The following PPEF1 variants were observed in gnomAD, a reference collection of about 807,000 sequenced individuals.
The protein encoded by PPEF1 is protein phosphatase with EF-hand domain 1, also known as serine/threonine-protein phosphatase with EF-hands 1.
In PPEF1, 12 loss-of-function variants were observed where a neutral mutation model predicts 53.3. The ratio of observed to expected loss-of-function variants is 0.23; its 90% CI spans 0.14 to 0.36. The LOEUF (loss-of-function observed/expected upper bound fraction) is 0.36. Ranked by LOEUF, PPEF1 falls within the 10% of genes least tolerant of loss-of-function variation. PPEF1 has a pLI of 1.00. For synonymous variants in PPEF1, 165 were observed against 176.7 expected (o/e 0.93, Z 0.52); for missense variants, 334 against 490.4 (o/e 0.68, Z 3.01).
intron 10 of PPEF1, among the ~76,000 whole-genome samples, chrX:18,795,454 G>A (rs1371213579): frequency 8.9e-6 from 1 of 112,254 alleles, no homozygotes; most frequent in African/African-American, 3.2e-5. Context: ...AAGGCAATAA[G>A]CCATGTACTC....
chrX:18,803,921 AG>A lies in PPEF1; in HGVS notation c.1097del (p.Gly366AlafsTer31). The A allele has an allele frequency of 8.3e-7, 1 of 1,208,965 alleles. No individual in the cohort carries two copies. Among genetic ancestry groups the A allele is most frequent in the Non-Finnish European group, 1.1e-6 (1 of 894,239 alleles). On this transcript the variant is annotated frameshift_variant, in exon 11 of 16. Coordinates refer to ENST00000470157, the MANE Select transcript of PPEF1 (RefSeq NM_001377996.1). LOFTEE classifies it high-confidence loss of function. ...IIDILWSDPR[G>X]KNGCFPNTCR... is the part of the protein sequence containing the mutation. Reference sequence around the variant, plus strand: ...TTGATATTCTGTGGAGTGATCCCAGAGGCAAAAATGGCTGTTTTCCAAATAC... The same window carrying A: ...TTGATATTCTGTGGAGTGATCCCAGAGCAAAAATGGCTGTTTTCCAAATAC...
intron 6 of PPEF1, among the ~76,000 whole-genome samples, chrX:18,771,936 G>A (rs983100589): frequency 8.1e-5 from 9 of 111,136 alleles, no homozygotes; most frequent in South Asian, 3.8e-4. Context: ...CCAACATGGC[G>A]AAACCCCGTT....
At chrX:18,688,023 A>G (rs759335903) in intron 3 of PPEF1, among the ~76,000 whole-genome samples, 3 of 112,082 alleles carry the variant, frequency 2.7e-5, no homozygotes, top group African/African-American at 9.7e-5. Flanking sequence ...ACTGAGGTTT[A>G]GAGGAGTTAT....
intron 5 of PPEF1, among the ~76,000 whole-genome samples, chrX:18,698,522 C>T (rs1929860783): frequency 8.9e-6 from 1 of 112,072 alleles, no homozygotes; most frequent in South Asian, 3.7e-4. Context: ...GTCGCAGTGG[C>T]TCACACCTGT....
chrX:18,751,064 G>T (rs2045432639), intron 4 of PPEF1, among the ~76,000 whole-genome samples: 1 of 111,375 alleles, frequency 9.0e-6, no homozygotes, highest in African/African-American at 3.3e-5. Flanking sequence ...GTTCTTTCTG[G>T]ATATAAATTC....
chrX:18,781,315 A>G (rs1371691715), intron 7 of PPEF1, among the ~76,000 whole-genome samples: 1 of 110,638 alleles, frequency 9.0e-6, no homozygotes, highest in African/African-American at 3.3e-5. Flanking sequence ...TTAACACTAG[A>G]TAAAAACTGA....
intron 7 of PPEF1, among the ~76,000 whole-genome samples, chrX:18,780,143 G>A (rs1246113685): frequency 8.9e-6 from 1 of 111,956 alleles, no homozygotes. Context: ...AGGAGACGTG[G>A]CCCCTGCCCT....
chrX:18,760,471 T>C (rs186202802), intron 5 of PPEF1, among the ~76,000 whole-genome samples: 63 of 111,842 alleles, frequency 5.6e-4, no homozygotes, highest in African/African-American at 1.9e-3. Context: ...ATGTATTTAC[T>C]GAGTGCCTCT....
chrX:18,779,593 G>A (rs2046043703), intron 7 of PPEF1, among the ~76,000 whole-genome samples: 1 of 111,653 alleles, frequency 9.0e-6, no homozygotes, highest in Admixed American at 9.6e-5. Flanking sequence ...GTTTTTCACC[G>A]ATGCGTGTAT....
chrX:18,795,825 C>T (rs1334032327), intron 10 of PPEF1, among the ~76,000 whole-genome samples: 2 of 112,145 alleles, frequency 1.8e-5, no homozygotes, highest in Admixed American at 1.9e-4. Flanking sequence ...GAATAATTTG[C>T]TAAATGATGG....
chrX:18,698,273 T>C (rs1422854451), intron 5 of PPEF1, among the ~76,000 whole-genome samples: 1 of 112,312 alleles, frequency 8.9e-6, no homozygotes, highest in East Asian at 2.8e-4. Flanking sequence ...TTCAGTGTTC[T>C]TTCTACAATG....
In PPEF1 at chrX:18,803,842, G is replaced by A. The variant is rs759711612; in HGVS notation, c.1066-50G>A. ...TGACAAATAAGTTGGAATCTAGAAA[G>A]ATATACTCTCACTTGTAAGTTACAG... On this transcript the variant is annotated intron_variant, in intron 10 of 15. Transcript: ENST00000470157. 3.8e-6 allele frequency: 4 copies of A among 1,055,329 alleles called. No homozygotes were observed. The South Asian group carries it at 6.4e-5, about 17-fold the overall frequency. The allele number at this position is 1,055,329 out of a possible 1,213,427, so 87.0% of individuals were successfully genotyped here.
upstream of PPEF1, among the ~76,000 whole-genome samples, chrX:18,705,235 T>C (rs183718352): frequency 1.8e-5 from 2 of 111,780 alleles, no homozygotes; most frequent in Middle Eastern, 4.6e-3. Context: ...AGAGTTATGA[T>C]AGGTGAGTTT....
At chrX:18,763,356 G>A (rs1033954428) in intron 6 of PPEF1, among the ~76,000 whole-genome samples, 1 of 111,102 alleles carries the variant, frequency 9.0e-6, no homozygotes, top group African/African-American at 3.3e-5. Flanking sequence ...GAATTCCTTC[G>A]TTATCTTGCC....
At chrX:18,793,154 A>G (rs1016254334) in intron 10 of PPEF1, among the ~76,000 whole-genome samples, 1 of 108,900 alleles carries the variant, frequency 9.2e-6, no homozygotes, top group Non-Finnish European at 1.9e-5. Context: ...TTTAACAAAG[A>G]TACAAATTTC....
intron 1 of PPEF1, among the ~76,000 whole-genome samples, chrX:18,724,189 G>T (rs771714383): frequency 3.6e-5 from 4 of 111,704 alleles, no homozygotes; most frequent in Non-Finnish European, 3.8e-5. Flanking sequence ...ACTCTGCATT[G>T]TCCCTCTGAC....
At chrX:18,736,564 C>T (rs1184009510) in intron 3 of PPEF1, among the ~76,000 whole-genome samples, 1 of 111,942 alleles carries the variant, frequency 8.9e-6, no homozygotes, top group African/African-American at 3.2e-5. Flanking sequence ...CATCAATGTT[C>T]ATCAGGGATA....
chrX:18,733,834 A>C (rs779530413), intron 3 of PPEF1, 26 bp downstream of exon 3: 1 of 1,087,740 alleles, frequency 9.2e-7, no homozygotes, highest in African/African-American at 1.9e-5. Flanking sequence ...AGTCTTTTCA[A>C]ATGTGTCATT....
intron 11 of PPEF1, 103 bp from the exon 12 acceptor site, chrX:18,806,297 CCTT>C (rs2046662356): frequency 2.3e-6 from 2 of 872,103 alleles, no homozygotes; most frequent in African/African-American, 2.0e-5. Flanking sequence ...GGTTTATGAA[CCTT>C]CTTTGATTTT....
Sources: allele counts gnomAD v4.1 joint callset (sites outside exome capture counted in the v4.1 genomes callset), GRCh38; gene constraint gnomAD v4.1.1; transcripts MANE v1.5; gene names NCBI Gene and HGNC (gene_info 2026-07-23, HGNC 2026-07-21).